The following DYM variants were observed in gnomAD, a reference collection of about 807,000 sequenced individuals.
DYM encodes the protein dymeclin, also known as dyggve-Melchior-Clausen syndrome protein.
DYM carries 78 observed loss-of-function variants against 93.1 expected under a neutral mutation model. The ratio of observed to expected loss-of-function variants is 0.84; its 90% CI spans 0.70 to 1.01. The LOEUF is 1.01. Among genes scored for constraint, DYM ranks in the 50% least tolerant of loss-of-function variants. The probability of loss-of-function intolerance (pLI) is 0.00; values close to 1 mark genes in which losing one functional copy is unlikely to be tolerated. For missense variants in DYM, 789 were observed against 845.0 expected (o/e 0.93, Z 0.82); for synonymous variants, 321 against 319.7 (o/e 1.00, Z -0.04).
Position 49,037,034 on chromosome 18 carries a change from T to C in DYM, c.*7021A>G, listed in dbSNP as rs1056351537. Among the ~76,000 whole-genome samples, 3 of 152,164 alleles carry C rather than the reference T, an allele frequency of 2.0e-5. No individual in the cohort carries two copies. Among genetic ancestry groups the C allele is most frequent in the African/African-American group, 7.2e-5 (3 of 41,442 alleles). ...CTCTTGCCTCAGCCTCCTGCGTAGC[T>C]GGGACTACAGATGCCCACCACCACG... On this transcript the variant is annotated 3_prime_UTR_variant, in exon 18 of 18. Coordinates refer to ENST00000675505, the MANE Select transcript of DYM (RefSeq NM_001353214.3).
intron 1 of DYM, among the ~76,000 whole-genome samples, chr18:49,439,250 T>C (rs1247246512): frequency 9.9e-5 from 15 of 152,222 alleles, no homozygotes; most frequent in Admixed American, 8.5e-4. Context: ...TGTAACTCTA[T>C]GCTAGAAATG....
At chr18:49,294,532 G>C (rs974920452) in intron 8 of DYM, among the ~76,000 whole-genome samples, 1 of 151,972 alleles carries the variant, frequency 6.6e-6, no homozygotes, top group Non-Finnish European at 1.5e-5. Flanking sequence ...AAGAAGTACT[G>C]ACTGAAGACT....
At chr18:49,175,672 C>A (rs1226356110) in intron 14 of DYM, among the ~76,000 whole-genome samples, 1 of 152,122 alleles carries the variant, frequency 6.6e-6, no homozygotes, top group African/African-American at 2.4e-5. Context: ...TGTTAAAATG[C>A]AAATGTCTTG....
intron 15 of DYM, chr18:49,126,518 A>G (rs1441926304): frequency 6.6e-6 from 1 of 152,202 alleles, no homozygotes; most frequent in African/African-American, 2.4e-5. Context: ...CACCACTTGT[A>G]AAAAGAAGAA....
intron 17 of DYM, among the ~76,000 whole-genome samples, chr18:49,044,914 G>A (rs115737836): frequency 0.018 from 2,671 of 152,358 alleles, 82 homozygotes; most frequent in African/African-American, 0.061. Context: ...GTAAGGAGTC[G>A]TGCAGCTCAG....
At chr18:49,426,150 T>C (rs2074262616) in intron 2 of DYM, among the ~76,000 whole-genome samples, 1 of 152,090 alleles carries the variant, frequency 6.6e-6, no homozygotes, top group Non-Finnish European at 1.5e-5. Flanking sequence ...CCAACCTAAA[T>C]GTCCATCGAT....
chr18:49,134,111 T>G (rs1390089984), intron 15 of DYM, among the ~76,000 whole-genome samples: 3 of 152,200 alleles, frequency 2.0e-5, no homozygotes, highest in Non-Finnish European at 4.4e-5. Flanking sequence ...GCAAGTCCAG[T>G]AAAGTGTTAA....
intron 2 of DYM, among the ~76,000 whole-genome samples, chr18:49,413,878 T>C (rs969129580): frequency 6.6e-6 from 1 of 152,000 alleles, no homozygotes; most frequent in Admixed American, 6.6e-5. Flanking sequence ...GGCATGGTGG[T>C]GCACACTTGT....
chr18:49,202,457 G>C (rs969618526), intron 14 of DYM, among the ~76,000 whole-genome samples: 3 of 139,288 alleles, frequency 2.2e-5, no homozygotes, highest in Non-Finnish European at 4.7e-5. Context: ...GCCGCCCATC[G>C]TCTGGGATGT....
At chr18:49,211,143 C>A (rs955245773) in intron 13 of DYM, among the ~76,000 whole-genome samples, 1 of 152,106 alleles carries the variant, frequency 6.6e-6, no homozygotes, top group Non-Finnish European at 1.5e-5. Context: ...AAATCTAAAT[C>A]CTGCTCACCC....
chr18:49,396,579 A>G (rs1011564945), intron 2 of DYM, among the ~76,000 whole-genome samples: 1 of 152,202 alleles, frequency 6.6e-6, no homozygotes. Context: ...CTCAACCTCT[A>G]TATCCAAAGA....
rs374004993 is a variant in DYM, at chr18:49,309,333, T to G, written c.763+22531A>C. On this transcript the variant is annotated intron_variant, in intron 8 of 17. Transcript: ENST00000675505. ...GATTGAAAGGTTTTTTGTTTGTTTG[T>G]TTTTTTAACTAACTTTTCAGGCTGG... Among the ~76,000 whole-genome samples the G allele has an allele frequency of 1.3e-4, 20 of 152,292 alleles. No individual in the cohort carries two copies. In the East Asian group the frequency reaches 2.9e-3, roughly 22 times the overall value.
chr18:49,103,291 C>G (rs973334240), intron 16 of DYM, among the ~76,000 whole-genome samples: 2 of 152,058 alleles, frequency 1.3e-5, no homozygotes, highest in African/African-American at 4.8e-5. Context: ...TGTTTGAGTT[C>G]ATTGTAGATT....
chr18:49,414,125 T>C (rs546614797), intron 2 of DYM, among the ~76,000 whole-genome samples: 5 of 152,160 alleles, frequency 3.3e-5, no homozygotes, highest in African/African-American at 9.6e-5. Context: ...GTCAAATTCA[T>C]AGAGACAGAA....
chr18:49,039,860 T>C lies in DYM; in HGVS notation c.*4195A>G, dbSNP rs2070843576. ...ACTTTATCTGGAGTCTGTTTGGATA[T>C]TTCTATTGTCTGTGTTTTCCTCTAA... On this transcript the variant is annotated 3_prime_UTR_variant, in exon 18 of 18. Transcript: ENST00000675505. The C allele has an allele frequency of 6.6e-6, 1 of 152,242 alleles. No homozygotes were observed. Among genetic ancestry groups the C allele is most frequent in the Non-Finnish European group, 1.5e-5 (1 of 68,038 alleles). 9.4% of individuals were successfully genotyped at this position (152,242 alleles called of 1,614,324 possible).
intron 6 of DYM, among the ~76,000 whole-genome samples, chr18:49,361,524 T>C (rs1164419208): frequency 1.3e-5 from 2 of 152,170 alleles, no homozygotes; most frequent in African/African-American, 4.8e-5. Flanking sequence ...CAACAGGAGA[T>C]GTAAATTGGT....
At chr18:49,175,865 A>C (rs926987980) in intron 14 of DYM, among the ~76,000 whole-genome samples, 7 of 152,202 alleles carry the variant, frequency 4.6e-5, no homozygotes, top group African/African-American at 1.7e-4. Flanking sequence ...TATATGTGTG[A>C]TATTTAGTGA....
At chr18:49,271,949 T>G (rs1268036216) in intron 11 of DYM, among the ~76,000 whole-genome samples, 1 of 148,108 alleles carries the variant, frequency 6.8e-6, no homozygotes, top group Admixed American at 6.8e-5. Flanking sequence ...AGCATTTGTA[T>G]CAATTACCAA....
At chr18:49,078,954 G>A (rs1406302411) in intron 17 of DYM, among the ~76,000 whole-genome samples, 2 of 152,098 alleles carry the variant, frequency 1.3e-5, no homozygotes, top group Non-Finnish European at 2.9e-5. Context: ...AGTTGTTCCC[G>A]CATAAGGGAA....
Sources: gnomAD v4.1 joint callset for allele counts (sites outside exome capture counted in the v4.1 genomes callset) on GRCh38, gnomAD v4.1.1 for gene constraint, MANE v1.5 for transcripts, NCBI Gene and HGNC (gene_info 2026-07-23, HGNC 2026-07-21) for gene names.